ATP10B: variants seen among roughly 807,000 people sequenced by gnomAD.
The protein encoded by ATP10B is phospholipid-transporting ATPase VB.
In ATP10B, 122 loss-of-function variants were observed where a neutral mutation model predicts 141.2. That is an observed-to-expected ratio of 0.86 (90% confidence interval 0.75 to 1.00). The LOEUF (loss-of-function observed/expected upper bound fraction) is 1.00. Among genes scored for constraint, ATP10B ranks in the 50% least tolerant of loss-of-function variants. The pLI is 0.00. For synonymous variants in ATP10B, 685 were observed against 692.0 expected, an observed-to-expected ratio of 0.99 and a Z score of 0.16; for missense variants, 1,876 against 1,825.3, an observed-to-expected ratio of 1.03 and a Z score of -0.51.
chr5:160,812,047 AGAGAGAGAGAGAGG>A (rs1161306859), intron 1 of ATP10B, among the ~76,000 whole-genome samples: 41 of 129,064 alleles, frequency 3.2e-4, no homozygotes, highest in African/African-American at 9.1e-4. Context: ...AGAGAGAGAG[AGAGAGAGAGAGAGG>A]GAGAGGGAGA....
intron 7 of ATP10B, among the ~76,000 whole-genome samples, chr5:160,665,419 T>C (rs931534112): frequency 1.3e-5 from 2 of 152,226 alleles, no homozygotes; most frequent in African/African-American, 4.8e-5. Context: ...AAAAGGTCCA[T>C]AGGAATGTTA....
At chr5:160,793,797 G>A (rs1298971828) in intron 1 of ATP10B, among the ~76,000 whole-genome samples, 1 of 152,154 alleles carries the variant, frequency 6.6e-6, no homozygotes, top group Non-Finnish European at 1.5e-5. Flanking sequence ...TAATGCAAGT[G>A]TACCATTAAA....
chr5:160,903,991 C>T, the ATP10B span, among the ~76,000 whole-genome samples: 1 of 152,110 alleles, frequency 6.6e-6, no homozygotes, highest in East Asian at 1.9e-4. Context: ...GTTTCTTCGC[C>T]ATAGGCTTGA....
At position 160,644,690 on chromosome 5, in the gene ATP10B, G is replaced by A. The variant is rs527508947; in HGVS notation, c.762-446C>T. Among the ~76,000 whole-genome samples the A allele has an allele frequency of 1.6e-4, 25 of 152,242 alleles. 1 individual carries two copies. Among genetic ancestry groups the A allele is most frequent in the Admixed American group, 7.2e-4 (11 of 15,294 alleles). On this transcript the variant is annotated intron_variant, in intron 8 of 25. Coordinates refer to ENST00000327245, the MANE Select transcript of ATP10B (RefSeq NM_025153.3). ...GACAGTTTACAGATGCCATGGCAAC[G>A]TCAGGAAGTTACCCTATATGGTTTA...
At chr5:160,870,368 TA>T in the ATP10B span, among the ~76,000 whole-genome samples, 21 of 150,266 alleles carry the variant, frequency 1.4e-4, no homozygotes, top group South Asian at 2.7e-3. Flanking sequence ...ATGATGATTA[TA>T]AAAAAAATAC....
At position 160,745,914 on chromosome 5, in the gene ATP10B, A is replaced by C. The variant is rs371977143; in HGVS notation, c.-330-28880T>G. ...ATCACAGTGTTTTGAAAAATACTTG[A>C]TTCCACTGCCATAATTTAAATGAAT... is the stretch of plus-strand genomic sequence containing the variant. On this transcript the variant is annotated intron_variant, in intron 2 of 25. Coordinates refer to ENST00000327245, the MANE Select transcript of ATP10B (RefSeq NM_025153.3). Among the ~76,000 whole-genome samples, 7 of 152,366 alleles carry C rather than the reference A, an allele frequency of 4.6e-5. No homozygotes were observed. The East Asian group carries it at 1.3e-3, about 29-fold the overall frequency.
chr5:160,902,332 A>G, the ATP10B span, among the ~76,000 whole-genome samples: 1 of 152,206 alleles, frequency 6.6e-6, no homozygotes, highest in African/African-American at 2.4e-5. Flanking sequence ...GGACTGAGTG[A>G]GGCTTGGAAC....
At chr5:160,859,197 C>A in the ATP10B span, among the ~76,000 whole-genome samples, 1 of 151,664 alleles carries the variant, frequency 6.6e-6, no homozygotes, top group African/African-American at 2.4e-5. Context: ...GCATTGATCC[C>A]TTTTGTTTTT....
Position 160,570,972 on chromosome 5 carries a change from A to G in ATP10B, c.3751-1289T>C, listed in dbSNP as rs1581130423. On this transcript the variant is annotated intron_variant, in intron 24 of 25. Coordinates refer to ENST00000327245, the MANE Select transcript of ATP10B (RefSeq NM_025153.3). ...CTCCACTTGTTCTTCCTTAGAAGGA[A>G]ATCTTTATCTCTTAAAGCCTGCTTG... 3.3e-5 allele frequency among the ~76,000 whole-genome samples: 5 copies of G among 152,264 alleles called. No individual in the cohort carries two copies. The East Asian group carries it at 9.6e-4, about 29-fold the overall frequency.
chr5:160,910,055 C>A, the ATP10B span, among the ~76,000 whole-genome samples: 1 of 152,130 alleles, frequency 6.6e-6, no homozygotes, highest in East Asian at 1.9e-4. Context: ...CCTCATCAAG[C>A]CCCATATGAT....
chr5:160,653,764 TA>T (rs1331862851), intron 7 of ATP10B, among the ~76,000 whole-genome samples: 1 of 106,416 alleles, frequency 9.4e-6, no homozygotes, highest in African/African-American at 3.6e-5. Flanking sequence ...TAAATATATA[TA>T]ATATATACAT....
rs1432959524 is a variant in ATP10B at position 160,649,508 on chromosome 5, GGTGTGGGGCT to G, written c.676-262_676-253del. On this transcript the variant is annotated intron_variant, in intron 7 of 25. Transcript: ENST00000327245. ...TGATTGCATTTCTCTGACCTGCCTG[GGTGTGGGGCT>G]GTAGCCCAGATCTAATAGAACTTAC... 3.9e-5 allele frequency among the ~76,000 whole-genome samples: 6 copies of G among 152,300 alleles called. No individual in the cohort carries two copies. In the Middle Eastern group the frequency reaches 0.014, roughly 345 times the overall value.
intron 1 of ATP10B, among the ~76,000 whole-genome samples, chr5:160,829,045 T>TG (rs1774859453): frequency 9.6e-6 from 1 of 104,674 alleles, no homozygotes; most frequent in Non-Finnish European, 1.8e-5. Context: ...CATCACACTC[T>TG]GGGGACTGTT....
intron 6 of ATP10B, among the ~76,000 whole-genome samples, chr5:160,679,214 G>C (rs1763224389): frequency 6.6e-6 from 1 of 152,176 alleles, no homozygotes. Context: ...TTGCAGGCCA[G>C]GCCAGGCTAG....
chr5:160,765,568 T>C (rs564351506), intron 2 of ATP10B, among the ~76,000 whole-genome samples: 2 of 152,338 alleles, frequency 1.3e-5, no homozygotes, highest in Admixed American at 1.3e-4. Context: ...CAACTCAAGT[T>C]GGATCAAATA....
chr5:160,795,298 T>C (rs1480597498), intron 1 of ATP10B, among the ~76,000 whole-genome samples: 1 of 152,222 alleles, frequency 6.6e-6, no homozygotes, highest in African/African-American at 2.4e-5. Flanking sequence ...CCCAACATTA[T>C]AGGAAATTCC....
At chr5:160,567,245 C>T (rs186709167) in intron 25 of ATP10B, among the ~76,000 whole-genome samples, 2 of 152,184 alleles carry the variant, frequency 1.3e-5, no homozygotes, top group East Asian at 1.9e-4. Flanking sequence ...CTTGCTGTCA[C>T]GTAACATGTG....
At chr5:160,807,950 C>T (rs1772896677) in intron 1 of ATP10B, among the ~76,000 whole-genome samples, 2 of 152,118 alleles carry the variant, frequency 1.3e-5, no homozygotes, top group Non-Finnish European at 2.9e-5. Flanking sequence ...CTTTAAAAAG[C>T]CCCAAGTCCC....
chr5:160,760,431 G>C (rs890187873), intron 2 of ATP10B, among the ~76,000 whole-genome samples: 5 of 152,148 alleles, frequency 3.3e-5, no homozygotes, highest in Non-Finnish European at 5.9e-5. Context: ...GGCAAAACAA[G>C]GGATTTCTGC....
Sources: gnomAD v4.1 joint callset for allele counts (sites outside exome capture counted in the v4.1 genomes callset) on GRCh38, gnomAD v4.1.1 for gene constraint, MANE v1.5 for transcripts, NCBI Gene and HGNC (gene_info 2026-07-23, HGNC 2026-07-21) for gene names.